Variants in ADAM19 observed in about 807,000 individuals in gnomAD.
ADAM19 encodes ADAM metallopeptidase domain 19, also known as disintegrin and metalloproteinase domain-containing protein 19.
Under a neutral mutation model 114.7 loss-of-function variants are expected in ADAM19, and 65 were observed. That is an observed-to-expected ratio of 0.57 (90% CI 0.46 to 0.70). The LOEUF (loss-of-function observed/expected upper bound fraction) is 0.70. ADAM19 is among the 30% of genes least tolerant of loss of function. ADAM19 has a pLI of 0.00. For missense variants in ADAM19, 1,063 were observed against 1,204.7 expected (o/e 0.88, Z 1.74); for synonymous variants, 466 against 460.5 (o/e 1.01, Z -0.15).
At chr5:157,573,801 C>A (rs893732602) in intron 1 of ADAM19, among the ~76,000 whole-genome samples, 6 of 151,872 alleles carry the variant, frequency 4.0e-5, no homozygotes, top group African/African-American at 9.7e-5. Context: ...AGAAAGATAA[C>A]CAAGAATTAT....
chr5:157,522,481 C>T (rs1756327628), intron 5 of ADAM19, among the ~76,000 whole-genome samples: 1 of 152,118 alleles, frequency 6.6e-6, no homozygotes, highest in Non-Finnish European at 1.5e-5. Flanking sequence ...CTTCCACTGC[C>T]TCAATCATGA....
At chr5:157,543,519 A>G (rs572544464) in intron 3 of ADAM19, among the ~76,000 whole-genome samples, 47 of 152,352 alleles carry the variant, frequency 3.1e-4, no homozygotes, top group African/African-American at 1.1e-3. Flanking sequence ...CCTGGCATAT[A>G]GGAAGATCAT....
intron 5 of ADAM19, among the ~76,000 whole-genome samples, chr5:157,526,872 C>T (rs1581329678): frequency 6.6e-6 from 1 of 152,152 alleles, no homozygotes; most frequent in South Asian, 2.1e-4. Context: ...CTGCCTGCCT[C>T]GGCCTCCCAA....
At chr5:157,568,811 GTCTC>G (rs1234848097) in intron 2 of ADAM19, 1 of 152,274 alleles carries the variant, frequency 6.6e-6, no homozygotes, top group East Asian at 1.9e-4. Context: ...CCAGCCTCTA[GTCTC>G]TCTCTCTTCA....
chr5:157,513,678 C>T (rs1756002189), intron 7 of ADAM19, among the ~76,000 whole-genome samples, 173 bp from the exon 8 acceptor site: 1 of 152,188 alleles, frequency 6.6e-6, no homozygotes, highest in African/African-American at 2.4e-5. Flanking sequence ...TAGGACCTGT[C>T]AACATCCATC....
intron 15 of ADAM19, 75 bp downstream of exon 15, chr5:157,494,612 G>T: frequency 7.9e-7 from 1 of 1,262,956 alleles, no homozygotes; most frequent in Non-Finnish European, 1.1e-6. Flanking sequence ...ACACTGCTGA[G>T]TTGGGCAACA....
intron 4 of ADAM19, among the ~76,000 whole-genome samples, chr5:157,535,898 T>C (rs1756749049): frequency 6.6e-6 from 1 of 152,234 alleles, no homozygotes; most frequent in Admixed American, 6.5e-5. Context: ...GAGGCTGTCA[T>C]GGCTAACAGC....
In ADAM19 at chr5:157,486,921, C is replaced by T. The variant is rs191406655; in HGVS notation, c.2550+1344G>A. On this transcript the variant is annotated intron_variant, in intron 21 of 22. Transcript: ENST00000257527. The stretch of plus-strand genomic sequence containing the variant: ...GCCACCTAATCCAATCTGGTGTCCT[C>T]ATAAGAAGAGGAGAGTTGGACAGGC... Among the ~76,000 whole-genome samples, 413 of 151,476 alleles carry T rather than the reference C, an allele frequency of 2.7e-3. 7 individuals are homozygous for T. The highest frequency in any genetic ancestry group is 8.7e-3 in the African/African-American group (360 of 41,448).
intron 2 of ADAM19, chr5:157,566,099 A>G (rs1251448214): frequency 7.5e-6 from 1 of 132,972 alleles, no homozygotes; most frequent in Admixed American, 7.4e-5. Flanking sequence ...ACAGAGCGAG[A>G]CTCTGTCTCA....
At chr5:157,484,382 C>T (rs1279182067) in intron 21 of ADAM19, among the ~76,000 whole-genome samples, 1 of 152,118 alleles carries the variant, frequency 6.6e-6, no homozygotes. Context: ...ACAGTAGGTG[C>T]TCAACACGTA....
chr5:157,531,521 G>T (rs572660481), intron 4 of ADAM19, among the ~76,000 whole-genome samples: 1 of 152,168 alleles, frequency 6.6e-6, no homozygotes, highest in South Asian at 2.1e-4. Context: ...ACAAAAATCA[G>T]CCGGATGTGG....
At chr5:157,568,069 G>A (rs1332287666) in intron 2 of ADAM19, 1 of 152,026 alleles carries the variant, frequency 6.6e-6, no homozygotes, top group African/African-American at 2.4e-5. Context: ...TCCATCTCCA[G>A]GGTTCAAGCC....
intron 3 of ADAM19, among the ~76,000 whole-genome samples, chr5:157,538,464 G>T (rs1756827202): frequency 6.6e-6 from 1 of 152,204 alleles, no homozygotes; most frequent in Non-Finnish European, 1.5e-5. Context: ...TGTCCTACTT[G>T]GCCCTGGCCA....
chr5:157,500,429 T>C (rs1755524384), intron 12 of ADAM19, among the ~76,000 whole-genome samples: 1 of 152,214 alleles, frequency 6.6e-6, no homozygotes, highest in Non-Finnish European at 1.5e-5. Flanking sequence ...AACATGCGTA[T>C]TTCTCCCTGT....
intron 7 of ADAM19, among the ~76,000 whole-genome samples, chr5:157,513,760 T>C (rs1340307004): frequency 6.6e-6 from 1 of 152,218 alleles, no homozygotes; most frequent in Non-Finnish European, 1.5e-5. Flanking sequence ...GGAGTAGAAT[T>C]GCCTTCCTCT....
At chr5:157,572,698 C>T (rs1267968005) in intron 1 of ADAM19, among the ~76,000 whole-genome samples, 1 of 152,168 alleles carries the variant, frequency 6.6e-6, no homozygotes, top group Admixed American at 6.5e-5. Flanking sequence ...GAGTACTTAA[C>T]TATGTGCCAA....
At chr5:157,505,844 G>A (rs1447463246) in intron 10 of ADAM19, 36 bp from the exon 11 acceptor site, 1 of 1,602,448 alleles carries the variant, frequency 6.2e-7, no homozygotes, top group Non-Finnish European at 8.5e-7. Flanking sequence ...AAGGTCAAGG[G>A]GACAGATCTG....
chr5:157,538,078 C>G, intron 3 of ADAM19, 87 bp from the exon 4 acceptor site: 1 of 1,075,132 alleles, frequency 9.3e-7, no homozygotes, highest in Non-Finnish European at 1.4e-6. Flanking sequence ...CTGAACCAGG[C>G]AGGACTATCC....
chr5:157,570,823 G>T, intron 2 of ADAM19, 72 bp downstream of exon 2: 1 of 1,334,758 alleles, frequency 7.5e-7, no homozygotes, highest in South Asian at 1.2e-5. Flanking sequence ...GGGATTCTAA[G>T]AAAGTTGAGT....
Sources: allele counts gnomAD v4.1 joint callset (sites outside exome capture counted in the v4.1 genomes callset), GRCh38; gene constraint gnomAD v4.1.1; transcripts MANE v1.5; gene names NCBI Gene and HGNC (gene_info 2026-07-23, HGNC 2026-07-21).